The following ARSB variants were observed in gnomAD, a reference collection of about 807,000 sequenced individuals.
The protein encoded by ARSB is arylsulfatase B.
Under a neutral mutation model 50.9 loss-of-function variants are expected in ARSB, and 41 were observed. That is an observed-to-expected ratio of 0.81 (90% CI 0.63 to 1.04). The LOEUF (loss-of-function observed/expected upper bound fraction) is 1.04. ARSB is among the 50% of genes least tolerant of loss of function. ARSB has a pLI of 0.00. For synonymous variants in ARSB, 269 were observed against 284.8 expected (o/e 0.94, Z 0.56); for missense variants, 672 against 693.3 (o/e 0.97, Z 0.35).
chr5:78,881,719 G>C (rs994807648), intron 5 of ARSB, among the ~76,000 whole-genome samples: 1 of 152,226 alleles, frequency 6.6e-6, no homozygotes, highest in South Asian at 2.1e-4. Flanking sequence ...ACCTGTACAA[G>C]AGTACATTGA....
At chr5:78,911,572 T>TAAAAAAAAAAAAA (rs71001137) in intron 4 of ARSB, among the ~76,000 whole-genome samples, 6 of 67,850 alleles carry the variant, frequency 8.8e-5, no homozygotes, top group Admixed American at 1.6e-4. Context: ...AGACTCCCTC[T>TAAAAAAAAAAAAA]AAAAAAAAAA....
At position 78,810,825 on chromosome 5, in the gene ARSB, A is replaced by C. The variant is rs1743779175; in HGVS notation, c.1213+28531T>G. Reference sequence around the variant, plus strand: ...AGTACTGTGTTCAGTTGTGTCAGAAAATGACTGGGGTTGGATTTCTCCTAA... The same window carrying C: ...AGTACTGTGTTCAGTTGTGTCAGAACATGACTGGGGTTGGATTTCTCCTAA... On this transcript the variant is annotated intron_variant, in intron 6 of 7. Coordinates refer to ENST00000264914, the MANE Select transcript of ARSB (RefSeq NM_000046.5). 2.6e-5 allele frequency among the ~76,000 whole-genome samples: 4 copies of C among 152,186 alleles called. No homozygotes were observed. In the South Asian group the frequency reaches 8.3e-4, roughly 32 times the overall value.
At chr5:78,836,016 T>C (rs1322386044) in intron 6 of ARSB, among the ~76,000 whole-genome samples, 2 of 152,232 alleles carry the variant, frequency 1.3e-5, no homozygotes, top group Non-Finnish European at 2.9e-5. Context: ...CAAAAGCCTC[T>C]GTGCTCTATG....
At chr5:78,983,156 C>T (rs1468665933) in intron 1 of ARSB, among the ~76,000 whole-genome samples, 2 of 152,118 alleles carry the variant, frequency 1.3e-5, no homozygotes, top group Non-Finnish European at 2.9e-5. Flanking sequence ...CGAGTTCAAG[C>T]GATTCTCCTG....
intron 6 of ARSB, among the ~76,000 whole-genome samples, chr5:78,792,722 G>C (rs943757008): frequency 6.6e-6 from 1 of 152,128 alleles, no homozygotes; most frequent in Non-Finnish European, 1.5e-5. Flanking sequence ...GAATTTCCAC[G>C]GTGGTCGCCA....
chr5:78,783,696 T>C (rs1748989828), intron 6 of ARSB, among the ~76,000 whole-genome samples: 1 of 152,178 alleles, frequency 6.6e-6, no homozygotes, highest in Non-Finnish European at 1.5e-5. Context: ...GAAGGCCACA[T>C]TTTGATACCA....
chr5:78,956,264 G>A (rs547105643), intron 3 of ARSB, among the ~76,000 whole-genome samples: 6 of 152,220 alleles, frequency 3.9e-5, no homozygotes, highest in South Asian at 2.1e-4. Flanking sequence ...TCAGTCAATC[G>A]TAAAAGTCCT....
intron 5 of ARSB, chr5:78,883,203 T>C (rs1747847896): frequency 4.6e-5 from 7 of 152,172 alleles, no homozygotes. Flanking sequence ...GGCAGAAATG[T>C]TTCAAAGAAA....
chr5:78,948,164 G>T (rs1751331987), intron 4 of ARSB, among the ~76,000 whole-genome samples: 1 of 152,142 alleles, frequency 6.6e-6, no homozygotes, highest in African/African-American at 2.4e-5. Flanking sequence ...TAGGGGGGAA[G>T]TGGGTATGGT....
intron 3 of ARSB, among the ~76,000 whole-genome samples, chr5:78,963,081 T>C (rs1384589815): frequency 6.6e-6 from 1 of 152,216 alleles, no homozygotes; most frequent in Non-Finnish European, 1.5e-5. Context: ...TGGAGGTGGA[T>C]CCCTCACGAA....
In ARSB at chr5:78,841,168, C is replaced by CTACTAATAATAATAATAATAA. The variant is rs368030435; in HGVS notation, c.1143-1743_1143-1742insTTATTATTATTATTATTAGTA. 5.5e-3 allele frequency among the ~76,000 whole-genome samples: 724 copies of CTACTAATAATAATAATAATAA among 131,990 alleles called. 5 individuals carry two copies. Among genetic ancestry groups the CTACTAATAATAATAATAATAA allele is most frequent in the South Asian group, 0.021 (79 of 3,764 alleles). 86.6% of individuals were successfully genotyped at this position (131,990 alleles called of 152,430 possible). On this transcript the variant is annotated intron_variant, in intron 5 of 7. Coordinates refer to ENST00000264914, the MANE Select transcript of ARSB (RefSeq NM_000046.5). ...ACTACTACTACTACTACTACTACTA[C>CTACTAATAATAATAATAATAA]TAATAATAATAATAATTTGAGCATG...
At chr5:78,964,288 A>C in intron 3 of ARSB, 128 bp downstream of exon 3, 6 of 941,310 alleles carry the variant, frequency 6.4e-6, no homozygotes, top group Non-Finnish European at 9.8e-6. Flanking sequence ...GATACTGTAT[A>C]ATTTGAAAAG....
intron 4 of ARSB, among the ~76,000 whole-genome samples, chr5:78,913,006 G>A (rs1473018709): frequency 2.0e-5 from 3 of 152,090 alleles, no homozygotes; most frequent in African/African-American, 4.8e-5. Context: ...TAAATCAGAG[G>A]GATTCTGGAA....
At chr5:78,867,502 C>T (rs1412220105) in intron 5 of ARSB, among the ~76,000 whole-genome samples, 1 of 152,192 alleles carries the variant, frequency 6.6e-6, no homozygotes, top group East Asian at 1.9e-4. Context: ...ACAAGTGGGT[C>T]CCTGACCCCT....
intron 4 of ARSB, among the ~76,000 whole-genome samples, chr5:78,943,894 C>T (rs1386817250): frequency 1.3e-5 from 2 of 152,200 alleles, no homozygotes; most frequent in Non-Finnish European, 2.9e-5. Context: ...GTTCCATTCT[C>T]CCTGTCACTT....
chr5:78,815,912 G>A lies in ARSB; in HGVS notation c.1213+23444C>T, dbSNP rs183884390. On this transcript the variant is annotated intron_variant, in intron 6 of 7. Coordinates refer to ENST00000264914, the MANE Select transcript of ARSB (RefSeq NM_000046.5). Reference sequence around the variant, plus strand: ...GATCTAAGTAAGACAGCCTCCTGGGGCCCCTTCTTTCTTGGAGAAGGCACT... The same window carrying A: ...GATCTAAGTAAGACAGCCTCCTGGGACCCCTTCTTTCTTGGAGAAGGCACT... The A allele has an allele frequency of 9.8e-5, 145 of 1,482,660 alleles. 4 individuals carry two copies. The highest frequency in any genetic ancestry group is 2.5e-4 in the Middle Eastern group (1 of 4,072). The allele number at this position is 1,482,660 out of a possible 1,614,324, so 91.8% of individuals were successfully genotyped here.
chr5:78,895,239 T>A (rs1224191045), intron 4 of ARSB, among the ~76,000 whole-genome samples: 1 of 152,178 alleles, frequency 6.6e-6, no homozygotes, highest in Non-Finnish European at 1.5e-5. Flanking sequence ...CTGCTGGACA[T>A]AATCTTTGTA....
At chr5:78,801,692 C>T (rs11956904) in intron 6 of ARSB, among the ~76,000 whole-genome samples, 2 of 152,078 alleles carry the variant, frequency 1.3e-5, no homozygotes, top group African/African-American at 4.8e-5. Context: ...TGTGTGCTGG[C>T]GGAATGTGAG....
At chr5:78,794,324 G>GA (rs555091098) in intron 6 of ARSB, among the ~76,000 whole-genome samples, 154 of 148,690 alleles carry the variant, frequency 1.0e-3, no homozygotes, top group African/African-American at 3.6e-3. Context: ...TATCATTTTG[G>GA]AAAAAAAAAC....
Sources: gnomAD v4.1 joint callset for allele counts (sites outside exome capture counted in the v4.1 genomes callset) on GRCh38, gnomAD v4.1.1 for gene constraint, MANE v1.5 for transcripts, NCBI Gene and HGNC (gene_info 2026-07-23, HGNC 2026-07-21) for gene names.